The following GABBR2 variants were observed in gnomAD, a reference collection of about 807,000 sequenced individuals.
GABBR2 encodes gamma-aminobutyric acid type B receptor subunit 2, also known as G-protein coupled receptor 51.
In GABBR2, 23 loss-of-function variants were observed where a neutral mutation model predicts 105.6. That is an observed-to-expected ratio of 0.22 (90% confidence interval 0.16 to 0.31). GABBR2 has a LOEUF of 0.31. Among genes scored for constraint, GABBR2 ranks in the 10% least tolerant of loss-of-function variants. The pLI, the probability that GABBR2 is intolerant of heterozygous loss-of-function variation, is 1.00. For missense variants in GABBR2, 734 were observed against 1,245.5 expected, an observed-to-expected ratio of 0.59 and a Z score of 6.18; for synonymous variants, 478 against 499.7, an observed-to-expected ratio of 0.96 and a Z score of 0.58.
At chr9:98,404,257 A>C (rs1267663491) in intron 8 of GABBR2, among the ~76,000 whole-genome samples, 1 of 152,186 alleles carries the variant, frequency 6.6e-6, no homozygotes, top group African/African-American at 2.4e-5. Flanking sequence ...ACCAATGAAG[A>C]AGTAAAATTT....
intron 1 of GABBR2, among the ~76,000 whole-genome samples, chr9:98,676,652 T>C (rs1588279180): frequency 6.6e-6 from 1 of 152,200 alleles, no homozygotes; most frequent in Non-Finnish European, 1.5e-5. Context: ...AGGGACCCTA[T>C]TGCAACTACT....
At chr9:98,669,753 A>C (rs1830383850) in intron 1 of GABBR2, among the ~76,000 whole-genome samples, 1 of 152,088 alleles carries the variant, frequency 6.6e-6, no homozygotes, top group African/African-American at 2.4e-5. Flanking sequence ...CATGTGGAAG[A>C]CTATTGCTGG....
intron 2 of GABBR2, 112 bp downstream of exon 2, chr9:98,577,823 G>A (rs1424077286): frequency 3.8e-6 from 4 of 1,041,388 alleles, no homozygotes; most frequent in Admixed American, 2.6e-5. Flanking sequence ...GAAAGTCCAG[G>A]AGGCCTGACC....
intron 6 of GABBR2, among the ~76,000 whole-genome samples, chr9:98,469,111 T>C (rs994179664): frequency 3.9e-5 from 6 of 152,218 alleles, no homozygotes; most frequent in Non-Finnish European, 8.8e-5. Context: ...CCAGTTATAT[T>C]GGTCCATTCT....
chr9:98,294,597 G>C (rs541426677), intron 17 of GABBR2, among the ~76,000 whole-genome samples: 1 of 151,702 alleles, frequency 6.6e-6, no homozygotes, highest in East Asian at 1.9e-4. Flanking sequence ...TCCTGTGTCA[G>C]CTCCAAGCAG....
chr9:98,308,909 G>C (rs1435309282), intron 14 of GABBR2, among the ~76,000 whole-genome samples: 1 of 152,218 alleles, frequency 6.6e-6, no homozygotes, highest in African/African-American at 2.4e-5. Context: ...TTTGAAGAGG[G>C]CGAGCGCCCC....
At chr9:98,605,978 A>T (rs1351428151) in intron 1 of GABBR2, among the ~76,000 whole-genome samples, 1 of 151,620 alleles carries the variant, frequency 6.6e-6, no homozygotes, top group Admixed American at 6.6e-5. Context: ...CCTGTGTCCA[A>T]GCATTCTCAT....
chr9:98,382,312 C>A (rs1268901721), intron 11 of GABBR2, among the ~76,000 whole-genome samples: 1 of 152,066 alleles, frequency 6.6e-6, no homozygotes, highest in African/African-American at 2.4e-5. Context: ...GCCAAACTTG[C>A]CCCCAGTATC....
chr9:98,396,726 T>A (rs1832298352), intron 8 of GABBR2, among the ~76,000 whole-genome samples: 1 of 152,074 alleles, frequency 6.6e-6, no homozygotes, highest in Non-Finnish European at 1.5e-5. Flanking sequence ...AGGCAGCGCA[T>A]GAAATATGCA....
chr9:98,335,588 G>A (rs906540481), intron 13 of GABBR2, among the ~76,000 whole-genome samples: 1 of 152,038 alleles, frequency 6.6e-6, no homozygotes, highest in Non-Finnish European at 1.5e-5. Flanking sequence ...GACCCGGGCC[G>A]GTATTTTCAA....
Position 98,706,978 on chromosome 9 carries a change from A to G in GABBR2, c.321+1439T>C, listed in dbSNP as rs552326597. Among the ~76,000 whole-genome samples the G allele has an allele frequency of 3.2e-3, 495 of 152,354 alleles. 1 individual carries two copies. The highest frequency in any genetic ancestry group is 0.011 in the African/African-American group (466 of 41,580). ...CCGGGTTAGCCCTGCACAGCCAGCC[A>G]GCTTGCATCCTCTGGGGCAGAGGAC... On this transcript the variant is annotated intron_variant, in intron 1 of 18. Transcript: ENST00000259455.
chr9:98,291,995 C>T (rs1195436356), intron 18 of GABBR2, among the ~76,000 whole-genome samples: 1 of 152,218 alleles, frequency 6.6e-6, no homozygotes, highest in Non-Finnish European at 1.5e-5. Flanking sequence ...CCTCTGACTC[C>T]CTTCTCATTG....
chr9:98,525,656 C>A (rs12348695), intron 3 of GABBR2, among the ~76,000 whole-genome samples: 51,062 of 151,996 alleles, frequency 0.34, 8,824 homozygotes, highest in Middle Eastern at 0.49. Context: ...CCAGCAATTC[C>A]ACTTCTAGGT....
At chr9:98,596,550 C>T (rs149179185) in intron 1 of GABBR2, among the ~76,000 whole-genome samples, 7 of 152,294 alleles carry the variant, frequency 4.6e-5, no homozygotes, top group Non-Finnish European at 7.3e-5. Context: ...CAAAGCCCCC[C>T]TCCCAATTTT....
intron 3 of GABBR2, among the ~76,000 whole-genome samples, chr9:98,539,865 G>A (rs766708519): frequency 2.0e-5 from 3 of 149,276 alleles, no homozygotes; most frequent in Admixed American, 6.7e-5. Flanking sequence ...GCAATGAGCC[G>A]AGATTGCGCC....
chr9:98,673,426 TA>T (rs1830431478), intron 1 of GABBR2, among the ~76,000 whole-genome samples: 1 of 152,132 alleles, frequency 6.6e-6, no homozygotes, highest in Non-Finnish European at 1.5e-5. Context: ...GAGTCATCAA[TA>T]AAAGACTGAA....
chr9:98,319,534 G>A (rs574532982), intron 13 of GABBR2, among the ~76,000 whole-genome samples: 2 of 151,526 alleles, frequency 1.3e-5, no homozygotes, highest in East Asian at 3.9e-4. Flanking sequence ...GGCACTTCCA[G>A]CCACTTTTCT....
intron 9 of GABBR2, among the ~76,000 whole-genome samples, chr9:98,391,858 G>A (rs564030448): frequency 6.6e-6 from 1 of 152,306 alleles, no homozygotes; most frequent in South Asian, 2.1e-4. Flanking sequence ...GGCATCTTAA[G>A]CCTGGCATGA....
intron 7 of GABBR2, among the ~76,000 whole-genome samples, chr9:98,451,626 C>A (rs896893252): frequency 6.6e-6 from 1 of 152,168 alleles, no homozygotes; most frequent in Non-Finnish European, 1.5e-5. Flanking sequence ...CCGAGAGGTT[C>A]TGATTTAATG....
Sources: gnomAD v4.1 joint callset for allele counts (sites outside exome capture counted in the v4.1 genomes callset) on GRCh38, gnomAD v4.1.1 for gene constraint, MANE v1.5 for transcripts, NCBI Gene and HGNC (gene_info 2026-07-23, HGNC 2026-07-21) for gene names.